The following NLRP1 variants were observed in gnomAD, a reference collection of about 807,000 sequenced individuals.
NLRP1 encodes NLR family pyrin domain containing 1.
A neutral mutation model predicts 136.7 loss-of-function variants in NLRP1; 94 were observed. The ratio of observed to expected loss-of-function variants is 0.69; its 90% CI spans 0.58 to 0.82. The LOEUF (loss-of-function observed/expected upper bound fraction) is 0.82, where lower values mean the gene tolerates loss of function less well. NLRP1 is among the 40% of genes least tolerant of loss of function. NLRP1 has a pLI of 0.00. For missense variants in NLRP1, 1,575 were observed against 1,802.7 expected, an observed-to-expected ratio of 0.87 and a Z score of 2.29; for synonymous variants, 690 against 725.1, an observed-to-expected ratio of 0.95 and a Z score of 0.78.
At chr17:5,532,759 GAC>G (rs966769927) in intron 11 of NLRP1, 61 bp downstream of exon 11, 1 of 1,447,400 alleles carries the variant, frequency 6.9e-7, no homozygotes, top group Non-Finnish European at 9.3e-7. Context: ...TGTCTGTGGG[GAC>G]CCAGGATGGG....
At chr17:5,575,433 A>G (rs1048639976) in intron 3 of NLRP1, among the ~76,000 whole-genome samples, 2 of 152,210 alleles carry the variant, frequency 1.3e-5, no homozygotes, top group African/African-American at 4.8e-5. Flanking sequence ...AGGAAGATCT[A>G]CCAAGCAAAT....
intron 16 of NLRP1, 121 bp downstream of exon 16, chr17:5,515,352 C>A: frequency 1.1e-6 from 1 of 894,534 alleles, no homozygotes; most frequent in African/African-American, 1.6e-5. Context: ...CTCTCCAGGG[C>A]CTGACTCTTT....
intron 5 of NLRP1, among the ~76,000 whole-genome samples, chr17:5,551,734 A>G (rs1597447531): frequency 6.6e-6 from 1 of 152,180 alleles, no homozygotes; most frequent in South Asian, 2.1e-4. Flanking sequence ...ATAAGTATGT[A>G]GTGGTATCTT....
downstream of NLRP1, among the ~76,000 whole-genome samples, chr17:5,509,211 C>T (rs541025832): frequency 6.6e-6 from 1 of 152,336 alleles, no homozygotes. Context: ...CTCTTCTTCT[C>T]CTATTCTCCT....
At chr17:5,539,733 G>C in intron 6 of NLRP1, 148 bp from the exon 7 acceptor site, 1 of 1,367,576 alleles carries the variant, frequency 7.3e-7, no homozygotes, top group Non-Finnish European at 9.5e-7. Context: ...CCTGGCTTGC[G>C]GTAACCTGAG....
At chr17:5,548,295 C>T (rs560555936) in intron 5 of NLRP1, among the ~76,000 whole-genome samples, 1 of 152,194 alleles carries the variant, frequency 6.6e-6, no homozygotes, top group Admixed American at 6.5e-5. Context: ...CAGAGTGAAA[C>T]CTATGTTCCT....
intron 12 of NLRP1, chr17:5,529,990 T>C (rs1169401077): frequency 8.8e-6 from 4 of 456,700 alleles, no homozygotes; most frequent in Non-Finnish European, 1.8e-5. Context: ...TACTATCTTC[T>C]ATGGGAAGCC....
At chr17:5,512,831 C>T (rs541592402), downstream of NLRP1, among the ~76,000 whole-genome samples, 1 of 152,352 alleles carries the variant, frequency 6.6e-6, no homozygotes, top group South Asian at 2.1e-4. Context: ...GTGAGGACAA[C>T]CAGGAGTCCC....
rs1263822879 is a variant in NLRP1 at position 5,556,111 on chromosome 17, T to TACACACA, written c.2357+2227_2357+2228insTGTGTGT. Among the ~76,000 whole-genome samples, 9 of 131,430 alleles carry TACACACA rather than the reference T, an allele frequency of 6.8e-5. No individual in the cohort carries two copies. The East Asian group carries it at 1.5e-3, about 21-fold the overall frequency. The allele number at this position is 131,430 out of a possible 152,430, so 86.2% of individuals were successfully genotyped here. A position where few individuals can be genotyped will look rare whatever the true frequency, so the allele number is the denominator to read the frequency against. ...CTGTCTGTCTCTGTCTCTGTCTCTC[T>TACACACA]CTCTACACACACACACACACACACA... On this transcript the variant is annotated intron_variant, in intron 4 of 16. Transcript: ENST00000572272.
At chr17:5,507,929 T>C (rs1907431550) in intron 15 of NLRP1, among the ~76,000 whole-genome samples, 1 of 151,218 alleles carries the variant, frequency 6.6e-6, no homozygotes, top group South Asian at 2.1e-4. Flanking sequence ...AGGTCAGGAG[T>C]TCGAGACCAG....
At chr17:5,553,251 T>C (rs1913598116) in intron 5 of NLRP1, 135 bp downstream of exon 5, 1 of 767,384 alleles carries the variant, frequency 1.3e-6, no homozygotes, top group African/African-American at 1.8e-5. Context: ...GTTTGTTTAC[T>C]AAAGTCATCC....
At chr17:5,580,271 AAAAAAC>A (rs1320242533) in intron 3 of NLRP1, among the ~76,000 whole-genome samples, 1 of 152,038 alleles carries the variant, frequency 6.6e-6, no homozygotes, top group Non-Finnish European at 1.5e-5. Flanking sequence ...AACAACAAAC[AAAAAAC>A]AAAAACAAAA....
chr17:5,515,187 C>T (rs1165362107), intron 16 of NLRP1, 114 bp from the exon 17 acceptor site: 6 of 1,006,692 alleles, frequency 6.0e-6, no homozygotes, highest in Non-Finnish European at 7.4e-6. Flanking sequence ...CAGAAATGCA[C>T]CTGTGTCCTC....
At chr17:5,505,572 T>TA (rs1344826137) in intron 15 of NLRP1, 1 of 152,200 alleles carries the variant, frequency 6.6e-6, no homozygotes, top group Non-Finnish European at 1.5e-5. Context: ...AATTCAAAGA[T>TA]ACAATTATTA....
Position 5,521,618 on chromosome 17 carries a change from G to A in NLRP1, c.3689C>T (p.Pro1230Leu). The A allele has an allele frequency of 6.2e-7, 1 of 1,614,110 alleles. No homozygotes were observed. The highest frequency in any genetic ancestry group is 8.5e-7 in the Non-Finnish European group (1 of 1,180,026). ...KMIHNALRFI[P>L]VTSVVLLYHR... ...GTAAAGCAACACCACAGAGGTGACG[G>A]GAATGAAGCGCAGGGCATTATGGAT... The change falls in exon 13 of 17, where the codon CCC becomes CTC. Residue 1230 changes from proline (P) to leucine (L), a missense_variant. Physicochemically the swap from Pro to Leu is moderately conservative, Grantham distance 98 (BLOSUM62 -3). Transcript: ENST00000572272.
chr17:5,505,862 T>TAA (rs748602632), intron 15 of NLRP1: 3 of 152,408 alleles, frequency 2.0e-5, no homozygotes, highest in Non-Finnish European at 2.9e-5. Context: ...CTGGACATTT[T>TAA]CATCCTCTTC....
chr17:5,564,992 C>T (rs1915179146), intron 3 of NLRP1, among the ~76,000 whole-genome samples: 2 of 152,232 alleles, frequency 1.3e-5, no homozygotes, highest in South Asian at 2.1e-4. Context: ...CCACCTCGGC[C>T]TCCCAAAGTG....
chr17:5,581,743 T>G lies in NLRP1; in HGVS notation c.652+116A>C, dbSNP rs914422196. On this transcript the variant is annotated intron_variant, in intron 3 of 16. Coordinates refer to ENST00000572272, the MANE Select transcript of NLRP1 (RefSeq NM_033004.4). Reference sequence around the variant, plus strand: ...AGGGTGGGATTTCCTGAGGGAAATTTCAGATGTTTTCCAGAACCTCTGCTT... The same window carrying G: ...AGGGTGGGATTTCCTGAGGGAAATTGCAGATGTTTTCCAGAACCTCTGCTT... 90 of 875,606 alleles carry G rather than the reference T, an allele frequency of 1.0e-4. No individual in the cohort carries two copies. In the Admixed American group the frequency reaches 1.4e-3, roughly 14 times the overall value. 54.2% of individuals were successfully genotyped at this position (875,606 alleles called of 1,614,324 possible).
intron 12 of NLRP1, among the ~76,000 whole-genome samples, chr17:5,524,073 A>C (rs1191296700): frequency 6.6e-6 from 1 of 152,068 alleles, no homozygotes; most frequent in Non-Finnish European, 1.5e-5. Flanking sequence ...ACAGGCATGC[A>C]CCACTGCGCC....
Sources: allele counts gnomAD v4.1 joint callset (sites outside exome capture counted in the v4.1 genomes callset), GRCh38; gene constraint gnomAD v4.1.1; transcripts MANE v1.5; gene names NCBI Gene and HGNC (gene_info 2026-07-23, HGNC 2026-07-21).